STOX2: variants seen among roughly 807,000 people sequenced by gnomAD.
STOX2 encodes storkhead box 2, also known as storkhead-box protein 2.
In STOX2, 28 loss-of-function variants were observed where a neutral mutation model predicts 60.9. The ratio of observed to expected loss-of-function variants is 0.46; its 90% confidence interval spans 0.34 to 0.63. The LOEUF is 0.63. Ranked by LOEUF, STOX2 falls within the 30% of genes least tolerant of loss-of-function variation. STOX2 has a pLI of 0.01. For missense variants in STOX2, 1,024 were observed against 1,187.7 expected (o/e 0.86, Z 2.03); for synonymous variants, 472 against 463.9 (o/e 1.02, Z -0.22).
At chr4:183,887,767 A>G (rs1263337987) in intron 1 of STOX2, among the ~76,000 whole-genome samples, 2 of 152,126 alleles carry the variant, frequency 1.3e-5, no homozygotes, top group Admixed American at 6.5e-5. Context: ...TTATTTTGAG[A>G]CAGTCTTGCT....
intron 1 of STOX2, among the ~76,000 whole-genome samples, chr4:183,996,628 C>G (rs774356237): frequency 7.2e-5 from 11 of 152,128 alleles, no homozygotes; most frequent in Admixed American, 2.6e-4. Flanking sequence ...TTATGGTAAA[C>G]TTGAATAATG....
chr4:183,830,172 A>G (rs1739533012), intron 1 of STOX2, among the ~76,000 whole-genome samples: 1 of 152,118 alleles, frequency 6.6e-6, no homozygotes. Flanking sequence ...ATCCCCCCCA[A>G]CAAGGTATCT....
At chr4:183,945,815 G>C (rs1742870847) in intron 1 of STOX2, among the ~76,000 whole-genome samples, 1 of 152,158 alleles carries the variant, frequency 6.6e-6, no homozygotes, top group Non-Finnish European at 1.5e-5. Flanking sequence ...CCTTCAGTTT[G>C]TTTTGCTGGG....
At chr4:183,959,545 T>G (rs1743353914) in intron 1 of STOX2, among the ~76,000 whole-genome samples, 1 of 152,204 alleles carries the variant, frequency 6.6e-6, no homozygotes, top group South Asian at 2.1e-4. Flanking sequence ...CGGGCATGCT[T>G]TTTACCAGGA....
intron 1 of STOX2, among the ~76,000 whole-genome samples, chr4:183,857,412 TCATCCCAC>T (rs1560849214): frequency 9.5e-3 from 166 of 17,562 alleles, no homozygotes; most frequent in African/African-American, 0.025. Flanking sequence ...ATAGGATTGG[TCATCCCAC>T]AGGACTGGTC....
At chr4:183,912,517 G>T (rs1419168320) in intron 1 of STOX2, among the ~76,000 whole-genome samples, 1 of 152,174 alleles carries the variant, frequency 6.6e-6, no homozygotes, top group Non-Finnish European at 1.5e-5. Context: ...ATCCTTACAG[G>T]TCTGATAGAA....
At chr4:183,894,476 A>G (rs969033899) in intron 1 of STOX2, among the ~76,000 whole-genome samples, 4 of 152,170 alleles carry the variant, frequency 2.6e-5, no homozygotes, top group Non-Finnish European at 5.9e-5. Flanking sequence ...ATTAAATGAT[A>G]TCACATAAAA....
In STOX2 at chr4:184,009,744, G is replaced by T. The variant is rs373037028; in HGVS notation, c.906G>T (p.Thr302=). The T allele has an allele frequency of 1.9e-6, 3 of 1,613,368 alleles. No individual in the cohort carries two copies. Among genetic ancestry groups the T allele is most frequent in the Non-Finnish European group, 2.5e-6 (3 of 1,179,740 alleles). ...PEEWPLRDED[T]PATIPREVEM... The stretch of plus-strand genomic sequence containing the variant: ...AGTGGCCCCTGCGAGACGAGGACAC[G>T]CCAGCTACGATCCCTCGGGAAGTAG... The change falls in exon 3 of 4, where the codon ACG becomes ACT. Residue 302 remains threonine (T), a synonymous_variant. Transcript: ENST00000308497. This position sits in a 1 kb window ranked among gnomAD's most constrained non-coding sequence, Gnocchi z 4.0.
chr4:183,876,842 G>A (rs1740840363), intron 1 of STOX2, among the ~76,000 whole-genome samples: 1 of 152,214 alleles, frequency 6.6e-6, no homozygotes, highest in Non-Finnish European at 1.5e-5. Flanking sequence ...TTCTTGAAAC[G>A]TGCACAAAGC....
chr4:183,970,183 G>GTGTGTGT lies in STOX2; in HGVS notation c.167-31142_167-31141insTGTGTGT, dbSNP rs1560911423. ...GTGTGTGTGTGTGTGTGTGTGTGTG[G>GTGTGTGT]GGTTCCAGCTGAATTTTCTGTCCCG... On this transcript the variant is annotated intron_variant, in intron 1 of 3. Coordinates refer to ENST00000308497, the MANE Select transcript of STOX2 (RefSeq NM_020225.3). Among the ~76,000 whole-genome samples the GTGTGTGT allele has an allele frequency of 5.7e-3, 337 of 59,020 alleles. 6 individuals are homozygous for GTGTGTGT. The highest frequency in any genetic ancestry group is 0.014 in the African/African-American group (307 of 22,630). The allele number at this position is 59,020 out of a possible 152,430, so 38.7% of individuals were successfully genotyped here. A position where few individuals can be genotyped will look rare whatever the true frequency, so the allele number is the denominator to read the frequency against.
Position 184,001,452 on chromosome 4 carries a change from G to A in STOX2, c.294G>A (p.Met98Ile). 6.2e-7 allele frequency: 1 copy of A among 1,613,788 alleles called. No homozygotes were observed. Among genetic ancestry groups the A allele is most frequent in the Non-Finnish European group, 8.5e-7 (1 of 1,179,832 alleles). ...ARKPVTQEALMEHLTTCFPGV... is the reference protein window; with the variant it reads ...ARKPVTQEALIEHLTTCFPGV... Reference sequence around the variant, plus strand: ...AGCCTGTCACCCAAGAAGCACTGATGGAGCACCTGACCACGTGCTTCCCAG... The same window carrying A: ...AGCCTGTCACCCAAGAAGCACTGATAGAGCACCTGACCACGTGCTTCCCAG... Residue 98 changes from methionine (M) to isoleucine (I), a missense_variant, in exon 2 of 4, where the codon ATG becomes ATA. Physicochemically the swap from Met to Ile is conservative, Grantham distance 10. Transcript: ENST00000308497. The surrounding 1 kb of genome is among the most constrained non-coding windows in gnomAD (Gnocchi z 4.2).
chr4:183,969,307 T>A (rs1475470935), intron 1 of STOX2, among the ~76,000 whole-genome samples: 1 of 152,228 alleles, frequency 6.6e-6, no homozygotes, highest in Non-Finnish European at 1.5e-5. Context: ...TGCAGCATGG[T>A]TTTTTATTAT....
At chr4:183,933,095 G>A (rs908265937) in intron 1 of STOX2, among the ~76,000 whole-genome samples, 2 of 152,076 alleles carry the variant, frequency 1.3e-5, no homozygotes, top group Non-Finnish European at 2.9e-5. Flanking sequence ...GTTAATGTTC[G>A]TATTAGCCAG....
chr4:183,798,702 GA>G (rs1031969708), intron 1 of STOX2: 15 of 985,118 alleles, frequency 1.5e-5, no homozygotes, highest in African/African-American at 1.7e-5. Context: ...GAGGCCGGAG[GA>G]AAAAAAATCT....
intron 1 of STOX2, among the ~76,000 whole-genome samples, chr4:183,874,985 ATATATAT>A (rs1560857911): frequency 7.8e-5 from 8 of 101,922 alleles, no homozygotes; most frequent in South Asian, 3.3e-4. Context: ...ATATATATAT[ATATATAT>A]AAAACTTAGA....
At chr4:183,808,822 G>A (rs537577218) in intron 1 of STOX2, among the ~76,000 whole-genome samples, 1 of 152,064 alleles carries the variant, frequency 6.6e-6, no homozygotes, top group South Asian at 2.1e-4. Context: ...TGGCTTCCCT[G>A]GGCCACATAG....
intron 1 of STOX2, among the ~76,000 whole-genome samples, chr4:183,831,194 A>G (rs1220715759): frequency 6.6e-6 from 1 of 152,066 alleles, no homozygotes; most frequent in African/African-American, 2.4e-5. Flanking sequence ...TCTACAGGAG[A>G]GAAGACGATT....
chr4:184,011,114 G>T lies in STOX2; in HGVS notation c.2276G>T (p.Arg759Leu). ...GCACAAGCCATGCCTGCTTCCCAGC[G>T]TCAGCAGGAGTCAGGAGGGAACCAG... ...SAAQAMPASQ[R>L]QQESGGNQEA... The change falls in exon 3 of 4, where the codon CGT becomes CTT. Residue 759 changes from arginine (R) to leucine (L), a missense_variant. By Grantham distance (102) the Arg-to-Leu change is moderately radical. Around this residue, in one of 3 missense-constraint regions of STOX2, gnomAD observed 922 missense variants for 1,058.3 expected, o/e 0.87. Transcript: ENST00000308497. This position sits in a 1 kb window ranked among gnomAD's most constrained non-coding sequence, Gnocchi z 4.4. 1 of 1,583,102 alleles carries T rather than the reference G, an allele frequency of 6.3e-7. No homozygotes were observed. Among genetic ancestry groups the T allele is most frequent in the Non-Finnish European group, 8.6e-7 (1 of 1,166,640 alleles).
At chr4:183,995,881 A>C (rs1579521688) in intron 1 of STOX2, among the ~76,000 whole-genome samples, 1 of 151,862 alleles carries the variant, frequency 6.6e-6, no homozygotes, top group South Asian at 2.1e-4. Context: ...AGCATGCTGC[A>C]CCCCCGTGCT....
Sources: allele counts gnomAD v4.1 joint callset (sites outside exome capture counted in the v4.1 genomes callset), GRCh38; gene constraint gnomAD v4.1.1; regional missense constraint gnomAD v4.1.1; non-coding constraint Gnocchi (gnomAD v3.1); transcripts MANE v1.5; gene names NCBI Gene and HGNC (gene_info 2026-07-23, HGNC 2026-07-21).